PDSS2: variants seen among roughly 807,000 people sequenced by gnomAD.
PDSS2 encodes all trans-polyprenyl-diphosphate synthase PDSS2.
Under a neutral mutation model 44.5 loss-of-function variants are expected in PDSS2, and 31 were observed. The ratio of observed to expected loss-of-function variants is 0.70; its 90% confidence interval spans 0.52 to 0.94. PDSS2 has a LOEUF of 0.94. Among genes scored for constraint, PDSS2 ranks in the 40% least tolerant of loss-of-function variants. PDSS2 has a pLI of 0.00. For synonymous variants in PDSS2, 157 were observed against 180.3 expected (o/e 0.87, Z 1.03); for missense variants, 452 against 482.2 (o/e 0.94, Z 0.59).
At chr6:107,383,463 T>C (rs959465109) in intron 1 of PDSS2, among the ~76,000 whole-genome samples, 1 of 151,648 alleles carries the variant, frequency 6.6e-6, no homozygotes, top group Non-Finnish European at 1.5e-5. Flanking sequence ...TTAGATAAAG[T>C]GGACTTCATC....
At chr6:107,323,286 T>C (rs1189504526) in intron 2 of PDSS2, among the ~76,000 whole-genome samples, 1 of 152,174 alleles carries the variant, frequency 6.6e-6, no homozygotes, top group Non-Finnish European at 1.5e-5. Flanking sequence ...ACCTACTCAT[T>C]TGAGGTCAAA....
chr6:107,235,173 A>G (rs982688768), intron 4 of PDSS2, among the ~76,000 whole-genome samples: 16 of 152,180 alleles, frequency 1.1e-4, no homozygotes, highest in African/African-American at 3.6e-4. Flanking sequence ...GAGAAGCCGA[A>G]GGGGTTAATT....
chr6:107,429,840 C>T lies in PDSS2; in HGVS notation c.296+29150G>A, dbSNP rs571541910. On this transcript the variant is annotated intron_variant, in intron 1 of 7. Coordinates refer to ENST00000369037, the MANE Select transcript of PDSS2 (RefSeq NM_020381.4). ...CGGAGGTTGCAGTGAGCCAAGATCG[C>T]GCCATTGCACTCCAGCCTGGGCAAC... 4.0e-3 allele frequency among the ~76,000 whole-genome samples: 528 copies of T among 133,418 alleles called. 3 individuals are homozygous for T. Among genetic ancestry groups the T allele is most frequent in the African/African-American group, 0.013 (463 of 36,006 alleles). 87.5% of individuals were successfully genotyped at this position (133,418 alleles called of 152,430 possible). A position where few individuals can be genotyped will look rare whatever the true frequency, so the allele number is the denominator to read the frequency against.
At chr6:107,213,930 T>C (rs903052650) in intron 4 of PDSS2, among the ~76,000 whole-genome samples, 5 of 152,112 alleles carry the variant, frequency 3.3e-5, no homozygotes, top group Non-Finnish European at 7.3e-5. Flanking sequence ...AGACCAATGC[T>C]GTCCAATGGA....
At chr6:107,178,022 T>C (rs1771854155) in intron 7 of PDSS2, among the ~76,000 whole-genome samples, 1 of 152,186 alleles carries the variant, frequency 6.6e-6, no homozygotes, top group Non-Finnish European at 1.5e-5. Context: ...ATTTCTTATA[T>C]CCTTCTCATG....
In PDSS2 at chr6:107,210,444, C is replaced by A. The variant is rs17853951; in HGVS notation, c.1003G>T (p.Gly335Ter). Residue 335 changes from glycine to a stop codon, truncating the protein, a stop_gained, in exon 6 of 8, where the codon GGA becomes TGA. Transcript: ENST00000369037. LOFTEE classifies it high-confidence loss of function. ...LGRDLWIKQI[G>*]EAQEKGRLDY... ...CAGGAGTAATTTCATTTTACCTCTC[C>A]GATCTGTTTAATCCACAAATCTCTT... 6.2e-7 allele frequency: 1 copy of A among 1,606,766 alleles called. No individual in the cohort carries two copies. The highest frequency in any genetic ancestry group is 1.1e-5 in the South Asian group (1 of 90,920).
chr6:107,182,759 G>T (rs1772028896), intron 7 of PDSS2, among the ~76,000 whole-genome samples: 1 of 152,176 alleles, frequency 6.6e-6, no homozygotes. Context: ...CAAAGCAGTG[G>T]TTGCAAAAAC....
chr6:107,190,417 T>G (rs1389683403), intron 7 of PDSS2, among the ~76,000 whole-genome samples: 1 of 152,192 alleles, frequency 6.6e-6, no homozygotes, highest in African/African-American at 2.4e-5. Flanking sequence ...TACTTGCTCA[T>G]TCACTCGTCA....
At chr6:107,253,769 A>C (rs925834930) in intron 3 of PDSS2, among the ~76,000 whole-genome samples, 3 of 152,216 alleles carry the variant, frequency 2.0e-5, no homozygotes, top group African/African-American at 7.2e-5. Flanking sequence ...TGGACTACTG[A>C]AGCAATGCCA....
In PDSS2 at chr6:107,271,560, T is replaced by C. The variant is rs747050660; in HGVS notation, c.630+2469A>G. 1.3e-4 allele frequency among the ~76,000 whole-genome samples: 20 copies of C among 152,264 alleles called. No individual in the cohort carries two copies. The East Asian group carries it at 2.7e-3, about 21-fold the overall frequency. On this transcript the variant is annotated intron_variant, in intron 3 of 7. Coordinates refer to ENST00000369037, the MANE Select transcript of PDSS2 (RefSeq NM_020381.4). ...AGGCCATGCATGGGCTACAGTACAA[T>C]TGGGTGACACACTACACAGCCAGCT...
At chr6:107,168,359 T>A (rs1446505105) in intron 7 of PDSS2, among the ~76,000 whole-genome samples, 1 of 152,116 alleles carries the variant, frequency 6.6e-6, no homozygotes, top group Admixed American at 6.6e-5. Flanking sequence ...TTATTTTGAG[T>A]CCATGTGTGT....
intron 1 of PDSS2, among the ~76,000 whole-genome samples, chr6:107,440,483 T>G (rs1781482372): frequency 6.6e-6 from 1 of 152,214 alleles, no homozygotes; most frequent in African/African-American, 2.4e-5. Context: ...TCTATTGCTA[T>G]AGAACACAGC....
At chr6:107,390,767 G>A (rs1459287295) in intron 1 of PDSS2, among the ~76,000 whole-genome samples, 6 of 152,062 alleles carry the variant, frequency 3.9e-5, no homozygotes, top group Non-Finnish European at 8.8e-5. Flanking sequence ...CAAATAAAAA[G>A]TGTATTAAAT....
chr6:107,174,970 T>G (rs1771735523), intron 7 of PDSS2, among the ~76,000 whole-genome samples: 1 of 152,162 alleles, frequency 6.6e-6, no homozygotes, highest in African/African-American at 2.4e-5. Flanking sequence ...ATCCCAGCAC[T>G]TTGGGAGGCC....
chr6:107,279,092 T>G lies in PDSS2; in HGVS notation c.432-4865A>C, dbSNP rs913930251. ...AAAATTGGCTGGACATGGTGGCGCATGTCTGTAATCCCAGCTATTTGGAGA... is the reference window on the plus strand; with the variant it reads ...AAAATTGGCTGGACATGGTGGCGCAGGTCTGTAATCCCAGCTATTTGGAGA... On this transcript the variant is annotated intron_variant, in intron 2 of 7. Transcript: ENST00000369037. Among the ~76,000 whole-genome samples, 23 of 152,204 alleles carry G rather than the reference T, an allele frequency of 1.5e-4. No individual in the cohort carries two copies. In the East Asian group the frequency reaches 4.4e-3, roughly 29 times the overall value.
At chr6:107,427,367 T>TTACACC (rs1246308122) in intron 1 of PDSS2, among the ~76,000 whole-genome samples, 2 of 152,196 alleles carry the variant, frequency 1.3e-5, no homozygotes, top group African/African-American at 4.8e-5. Flanking sequence ...CCATTACATC[T>TTACACC]TTTTTTCTTC....
At chr6:107,326,998 G>GT (rs1777569189) in intron 2 of PDSS2, among the ~76,000 whole-genome samples, 1 of 152,162 alleles carries the variant, frequency 6.6e-6, no homozygotes, top group Admixed American at 6.5e-5. Context: ...CTCATTTAAT[G>GT]TTTTTTCATT....
At chr6:107,449,723 G>A (rs776638279) in intron 1 of PDSS2, among the ~76,000 whole-genome samples, 8 of 152,070 alleles carry the variant, frequency 5.3e-5, no homozygotes, top group Non-Finnish European at 1.0e-4. Context: ...ATTTTTAGGA[G>A]CCACCATGTC....
intron 2 of PDSS2, among the ~76,000 whole-genome samples, chr6:107,276,248 C>T (rs1449511834): frequency 6.6e-6 from 1 of 152,036 alleles, no homozygotes; most frequent in African/African-American, 2.4e-5. Context: ...ATTCCTTGCT[C>T]CAAGATACAG....
Sources: gnomAD v4.1 joint callset for allele counts (sites outside exome capture counted in the v4.1 genomes callset) on GRCh38, gnomAD v4.1.1 for gene constraint, MANE v1.5 for transcripts, NCBI Gene and HGNC (gene_info 2026-07-23, HGNC 2026-07-21) for gene names.